Variants in TMEM141 observed in about 807,000 individuals in gnomAD.
TMEM141 encodes transmembrane protein 141.
Under a neutral mutation model 15.9 loss-of-function variants are expected in TMEM141, and 18 were observed. That is an observed-to-expected ratio of 1.13 (90% CI 0.78 to 1.68). The LOEUF is 1.68. Among genes scored for constraint, TMEM141 ranks in the 40% most tolerant of loss-of-function variants. TMEM141 has a pLI of 0.00. For synonymous variants in TMEM141, 69 were observed against 54.0 expected, an observed-to-expected ratio of 1.28 and a Z score of -1.22; for missense variants, 161 against 139.5, an observed-to-expected ratio of 1.15 and a Z score of -0.78.
At position 136,791,402 on chromosome 9, in the gene TMEM141, A is replaced by G; in HGVS notation, c.32A>G (p.Asp11Gly). 1 of 1,559,824 alleles carries G rather than the reference A, an allele frequency of 6.4e-7. No homozygotes were observed. The highest frequency in any genetic ancestry group is 8.7e-7 in the Non-Finnish European group (1 of 1,152,258). Residue 11 changes from aspartate to glycine, a missense_variant, in exon 1 of 5, where the codon GAC (aspartate) becomes GGC (glycine). By Grantham distance (94) the Asp-to-Gly change is moderately conservative. Transcript: ENST00000290079. MVNLGLSRVD[D>G]AVAAKHPGLG... ...AACTTGGGTCTGTCCCGGGTGGACG[A>G]CGCCGTGGCTGCCAAGCACCCGGTG...
intron 4 of TMEM141, 82 bp from the exon 5 acceptor site, chr9:136,792,737 G>A: frequency 8.7e-7 from 1 of 1,148,676 alleles, no homozygotes; most frequent in South Asian, 1.5e-5. Context: ...ACGGAACCCA[G>A]TTTCTGCCAT....
At chr9:136,792,198 C>G in intron 3 of TMEM141, 53 bp from the exon 4 acceptor site, 1 of 1,537,086 alleles carries the variant, frequency 6.5e-7, no homozygotes, top group Non-Finnish European at 8.8e-7. Flanking sequence ...GCCCGGTTCT[C>G]TTAGCCTGGG....
chr9:136,792,306 C>T lies in TMEM141; in HGVS notation c.261C>T (p.Asn87=). The change falls in exon 4 of 5, where the codon AAC becomes AAT. Residue 87 remains asparagine (N), a synonymous_variant. Coordinates refer to ENST00000290079, the MANE Select transcript of TMEM141 (RefSeq NM_032928.4). ...CGAGAGTGGAGTCGGAGAAATGCAA[C>T]AACCTCTGGCTCTTCCTGGAGACCG... ...GVTRVESEKC[N]NLWLFLETGQ... is the part of the protein sequence containing the mutation. The T allele has an allele frequency of 1.3e-5, 20 of 1,590,334 alleles. No individual in the cohort carries two copies. Among genetic ancestry groups the T allele is most frequent in the Non-Finnish European group, 1.7e-5 (20 of 1,167,970 alleles).
Position 136,792,025 on chromosome 9 carries a change from C to A in TMEM141, c.200C>A (p.Ala67Asp), listed in dbSNP as rs774882100. 8 of 1,613,758 alleles carry A rather than the reference C, an allele frequency of 5.0e-6. No homozygotes were observed. In the African/African-American group the frequency reaches 1.1e-4, roughly 22 times the overall value. ...CCTTTGCAGTGGAGCCTCCTAGTGG[C>A]CGTGGGTGGGTACTCCAGGGCCCCT... ...PYPLQWSLLV[A>D]VVAGSVVSYG... Residue 67 changes from alanine to aspartate, a missense_variant, in exon 3 of 5, where the codon GCC becomes GAC. Physicochemically the swap from Ala to Asp is moderately radical, Grantham distance 126 (BLOSUM62 -2). Coordinates refer to ENST00000290079, the MANE Select transcript of TMEM141 (RefSeq NM_032928.4).
At position 136,792,871 on chromosome 9, in the gene TMEM141, G is replaced by C; in HGVS notation, c.*39G>C. 1 of 1,523,296 alleles carries C rather than the reference G, an allele frequency of 6.6e-7. No homozygotes were observed. The highest frequency in any genetic ancestry group is 1.4e-5 in the African/African-American group (1 of 71,864). 94.4% of individuals were successfully genotyped at this position (1,523,296 alleles called of 1,614,324 possible). A position where few individuals can be genotyped will look rare whatever the true frequency, so the allele number is the denominator to read the frequency against. On this transcript the variant is annotated 3_prime_UTR_variant, in exon 5 of 5. Transcript: ENST00000290079. ...GGGGCACAGAGGATTGGGGGCAGGA[G>C]GAGTCTGGAACACAGCCTTCATGCC...
Position 136,792,031 on chromosome 9 carries a change from G to C in TMEM141, c.205+1G>C. On this transcript the variant is annotated splice_donor_variant, in intron 3 of 4. Coordinates refer to ENST00000290079, the MANE Select transcript of TMEM141 (RefSeq NM_032928.4). LOFTEE classifies it high-confidence loss of function. ...CAGTGGAGCCTCCTAGTGGCCGTGG[G>C]TGGGTACTCCAGGGCCCCTGCCTGG... 6.2e-7 allele frequency: 1 copy of C among 1,613,864 alleles called. No individual in the cohort carries two copies. Among genetic ancestry groups the C allele is most frequent in the Non-Finnish European group, 8.5e-7 (1 of 1,179,950 alleles).
In TMEM141 at chr9:136,793,002, CAA is replaced by C; in HGVS notation, c.*171_*172del. The C allele has an allele frequency of 1.1e-6, 1 of 874,262 alleles. No homozygotes were observed. Among genetic ancestry groups the C allele is most frequent in the Non-Finnish European group, 1.5e-6 (1 of 674,108 alleles). The allele number at this position is 874,262 out of a possible 1,614,324, so 54.2% of individuals were successfully genotyped here. On this transcript the variant is annotated 3_prime_UTR_variant, in exon 5 of 5. Coordinates refer to ENST00000290079, the MANE Select transcript of TMEM141 (RefSeq NM_032928.4). ...AAACACCTGCAGATGGCTGCTGCCCCAACCTGGGACCTGCCCAGGAGGTTGGA... is the reference window on the plus strand; with the variant it reads ...AAACACCTGCAGATGGCTGCTGCCCCCCTGGGACCTGCCCAGGAGGTTGGA...
rs865808102 is a variant in TMEM141, at chr9:136,791,383, G to T, written c.13G>T (p.Gly5Cys). The T allele has an allele frequency of 1.3e-6, 2 of 1,561,478 alleles. No individual in the cohort carries two copies. Among genetic ancestry groups the T allele is most frequent in the Non-Finnish European group, 1.7e-6 (2 of 1,153,182 alleles). Reference protein sequence around the residue: MVNLGLSRVDDAVAA... With the variant: MVNLCLSRVDDAVAA... ...AGCCCTGCCAACCATGGTGAACTTG[G>T]GTCTGTCCCGGGTGGACGACGCCGT... The change falls in exon 1 of 5, where the codon GGT becomes TGT. Residue 5 changes from glycine (G) to cysteine (C), a missense_variant. Physicochemically the swap from Gly to Cys is radical, Grantham distance 159 (BLOSUM62 -3). Coordinates refer to ENST00000290079, the MANE Select transcript of TMEM141 (RefSeq NM_032928.4).
At chr9:136,792,149 C>T (rs952860435) in intron 3 of TMEM141, 102 bp from the exon 4 acceptor site, 71 of 1,498,170 alleles carry the variant, frequency 4.7e-5, no homozygotes, top group Middle Eastern at 1.8e-4. Context: ...GGGAGCCCCA[C>T]CTGAGCCCAC....
chr9:136,791,499 G>C, intron 1 of TMEM141, 75 bp downstream of exon 1: 1 of 1,547,752 alleles, frequency 6.5e-7, no homozygotes, highest in East Asian at 2.4e-5. Flanking sequence ...CCGGGGCGTG[G>C]GGGTGCCCTC....
Position 136,792,293 on chromosome 9 carries a change from C to T in TMEM141, c.248C>T (p.Ser83Leu), listed in dbSNP as rs563824517. The change falls in exon 4 of 5, where the codon TCG becomes TTG. Residue 83 changes from serine (S) to leucine (L), a missense_variant. Transcript: ENST00000290079. ...AGCTACGGGGTGACGAGAGTGGAGTCGGAGAAATGCAACAACCTCTGGCTC... is the reference window on the plus strand; with the variant it reads ...AGCTACGGGGTGACGAGAGTGGAGTTGGAGAAATGCAACAACCTCTGGCTC... The part of the protein sequence containing the change: ...VVSYGVTRVE[S>L]EKCNNLWLFL... The T allele has an allele frequency of 1.6e-5, 26 of 1,589,952 alleles. No individual in the cohort carries two copies. Among genetic ancestry groups the T allele is most frequent in the Admixed American group, 1.1e-4 (6 of 56,656 alleles).
In TMEM141 at chr9:136,791,781, G is replaced by C. The variant is rs369208260; in HGVS notation, c.121+4G>C. The C allele has an allele frequency of 3.3e-5, 54 of 1,613,058 alleles. No individual in the cohort carries two copies. Among genetic ancestry groups the C allele is most frequent in the Non-Finnish European group, 4.4e-5 (52 of 1,179,818 alleles). On this transcript the variant is annotated splice_donor_region_variant and intron_variant, in intron 2 of 4. Coordinates refer to ENST00000290079, the MANE Select transcript of TMEM141 (RefSeq NM_032928.4). ...GGCGTTTTCACCTTCGTCACAGGTA[G>C]GCTGCGTCCAGGTGTCCTGCGGCTG...
intron 4 of TMEM141, 110 bp from the exon 5 acceptor site, chr9:136,792,709 C>T: frequency 1.2e-6 from 1 of 845,548 alleles, no homozygotes; most frequent in East Asian, 2.5e-5. Context: ...CTGGCCTCCA[C>T]TGCCCGTTGT....
chr9:136,792,189 C>A, intron 3 of TMEM141, 62 bp from the exon 4 acceptor site: 1 of 1,519,230 alleles, frequency 6.6e-7, no homozygotes. Context: ...GTAGCCTGTG[C>A]CCGGTTCTCT....
Position 136,791,776 on chromosome 9 carries a change from A to G in TMEM141, c.120A>G (p.Thr40=), listed in dbSNP as rs920980912. ...AFMKGVFTFV[T]GTGMAFGLQM... ...TGAAGGGCGTTTTCACCTTCGTCAC[A>G]GGTAGGCTGCGTCCAGGTGTCCTGC... is the stretch of plus-strand genomic sequence containing the variant. The change falls in exon 2 of 5, where the codon ACA becomes ACG. Residue 40 remains threonine (T), a splice_region_variant and synonymous_variant. Transcript: ENST00000290079. The G allele has an allele frequency of 1.2e-6, 2 of 1,612,944 alleles. No homozygotes were observed. The highest frequency in any genetic ancestry group is 1.7e-6 in the Non-Finnish European group (2 of 1,179,822).
intron 1 of TMEM141, 106 bp from the exon 2 acceptor site, chr9:136,791,605 C>G: frequency 6.4e-7 from 1 of 1,570,734 alleles, no homozygotes; most frequent in Non-Finnish European, 8.6e-7. Context: ...TCCAAGCGCC[C>G]AGGGTCTCAC....
intron 2 of TMEM141, 68 bp from the exon 3 acceptor site, chr9:136,791,879 G>A (rs1847593946): frequency 6.2e-7 from 1 of 1,611,420 alleles, no homozygotes; most frequent in Non-Finnish European, 8.5e-7. Flanking sequence ...CGCAGGTGCT[G>A]GGGGCCTGGC....
chr9:136,791,858 A>G, intron 2 of TMEM141, 81 bp downstream of exon 2: 1 of 1,608,988 alleles, frequency 6.2e-7, no homozygotes, highest in Non-Finnish European at 8.5e-7. Context: ...GGGGGCGCCA[A>G]GTCACCTGCC....
At position 136,791,411 on chromosome 9, in the gene TMEM141, C is replaced by T; in HGVS notation, c.41C>T (p.Ala14Val). 1.3e-6 allele frequency: 2 copies of T among 1,559,152 alleles called. No individual in the cohort carries two copies. The highest frequency in any genetic ancestry group is 8.7e-7 in the Non-Finnish European group (1 of 1,151,878). Reference sequence around the variant, plus strand: ...CTGTCCCGGGTGGACGACGCCGTGGCTGCCAAGCACCCGGTGAGAAGGCCG... The same window carrying T: ...CTGTCCCGGGTGGACGACGCCGTGGTTGCCAAGCACCCGGTGAGAAGGCCG... ...LGLSRVDDAVAAKHPGLGEYA... is the reference protein window; with the variant it reads ...LGLSRVDDAVVAKHPGLGEYA... Residue 14 changes from alanine (A) to valine (V), a missense_variant, in exon 1 of 5, where the codon GCT becomes GTT. By Grantham distance (64) the Ala-to-Val change is moderately conservative. Coordinates refer to ENST00000290079, the MANE Select transcript of TMEM141 (RefSeq NM_032928.4).
Sources: gnomAD v4.1 joint callset for allele counts on GRCh38, gnomAD v4.1.1 for gene constraint, MANE v1.5 for transcripts, NCBI Gene and HGNC (gene_info 2026-07-23, HGNC 2026-07-21) for gene names.